SLC29A4: variants seen among roughly 807,000 people sequenced by gnomAD.
SLC29A4 encodes solute carrier family 29 member 4.
Under a neutral mutation model 43.9 loss-of-function variants are expected in SLC29A4, and 36 were observed. The ratio of observed to expected loss-of-function variants is 0.82; its 90% CI spans 0.63 to 1.08. SLC29A4 has a LOEUF of 1.08. SLC29A4 is among the 50% of genes least tolerant of loss of function. The pLI is 0.00. For synonymous variants in SLC29A4, 491 were observed against 338.0 expected (o/e 1.45, Z -4.97); for missense variants, 869 against 755.3 (o/e 1.15, Z -1.77).
chr7:5,289,377 A>G (rs1015978353), intron 2 of SLC29A4, among the ~76,000 whole-genome samples: 3 of 152,180 alleles, frequency 2.0e-5, no homozygotes, highest in African/African-American at 7.2e-5. Flanking sequence ...AGCCTGAGCA[A>G]CGGCGAGACT....
intron 1 of SLC29A4, among the ~76,000 whole-genome samples, chr7:5,283,991 C>G (rs549256229): frequency 6.7e-6 from 1 of 150,068 alleles, no homozygotes; most frequent in East Asian, 2.0e-4. Flanking sequence ...TGGGAGGAGC[C>G]GGAGGGGGTC....
At chr7:5,291,625 G>T in intron 4 of SLC29A4, 68 bp from the exon 5 acceptor site, 3 of 1,510,772 alleles carry the variant, frequency 2.0e-6, no homozygotes, top group South Asian at 2.5e-5. Flanking sequence ...TCTGCAGGAG[G>T]GGCGAGGAGG....
At chr7:5,293,064 C>T (rs1785413992) in intron 5 of SLC29A4, among the ~76,000 whole-genome samples, 1 of 151,228 alleles carries the variant, frequency 6.6e-6, no homozygotes. Flanking sequence ...TCATACCTTT[C>T]CTTTAATCCG....
intron 6 of SLC29A4, 134 bp from the exon 7 acceptor site, chr7:5,296,802 T>C: frequency 1.1e-6 from 1 of 899,174 alleles, no homozygotes; most frequent in Non-Finnish European, 1.5e-6. Flanking sequence ...GCGGGGCCTG[T>C]GGGTGGGGGC....
At chr7:5,302,374 T>C (rs1786228420) in intron 10 of SLC29A4, among the ~76,000 whole-genome samples, 1 of 152,140 alleles carries the variant, frequency 6.6e-6, no homozygotes, top group Non-Finnish European at 1.5e-5. Flanking sequence ...ACGGAGTCTC[T>C]ACAAAAAAAT....
intron 6 of SLC29A4, among the ~76,000 whole-genome samples, chr7:5,295,250 G>C (rs62441134): frequency 6.6e-6 from 1 of 152,080 alleles, no homozygotes; most frequent in Non-Finnish European, 1.5e-5. Context: ...GTCTGCGTGT[G>C]CGCGTGTGTT....
chr7:5,304,058 G>A lies in SLC29A4; in HGVS notation c.*1119G>A, dbSNP rs894178638. 6.6e-6 allele frequency: 1 copy of A among 152,398 alleles called. No individual in the cohort carries two copies. Among genetic ancestry groups the A allele is most frequent in the African/African-American group, 2.4e-5 (1 of 41,482 alleles). The allele number at this position is 152,398 out of a possible 1,614,324, so 9.4% of individuals were successfully genotyped here. On this transcript the variant is annotated 3_prime_UTR_variant, in exon 11 of 11. Transcript: ENST00000396872. ...CATTAAAAGATGAAGGCAGACCGCT[G>A]CACCGCCGCCTGCAAGCAGAGTTTG...
At chr7:5,286,223 G>A (rs138984802) in intron 1 of SLC29A4, among the ~76,000 whole-genome samples, 2 of 151,892 alleles carry the variant, frequency 1.3e-5, no homozygotes, top group African/African-American at 2.4e-5. Flanking sequence ...ATGAATACAC[G>A]TTATTAGAAA....
At position 5,292,397 on chromosome 7, in the gene SLC29A4, AG is replaced by A. The variant is rs1302219204; in HGVS notation, c.544+577del. ...CCAAAGTGCTGGTATTACAGGCATG[AG>A]CCATCGTGCCTGGCCTTTCAAACTT... On this transcript the variant is annotated intron_variant, in intron 5 of 10. Coordinates refer to ENST00000396872, the MANE Select transcript of SLC29A4 (RefSeq NM_153247.4). 2.0e-5 allele frequency among the ~76,000 whole-genome samples: 3 copies of A among 152,290 alleles called. No homozygotes were observed. The East Asian group carries it at 5.8e-4, about 29-fold the overall frequency.
chr7:5,288,046 C>G, intron 2 of SLC29A4, 61 bp downstream of exon 2: 1 of 1,527,558 alleles, frequency 6.5e-7, no homozygotes, highest in Non-Finnish European at 8.8e-7. Flanking sequence ...CTGTGTGACC[C>G]CCAGTGAAGC....
At chr7:5,290,394 A>T (rs1785229636) in intron 2 of SLC29A4, among the ~76,000 whole-genome samples, 2 of 151,914 alleles carry the variant, frequency 1.3e-5, no homozygotes, top group African/African-American at 4.8e-5. Context: ...ATGGGGTTTC[A>T]CCATGTTGGC....
At chr7:5,293,312 C>T (rs1482680998) in intron 5 of SLC29A4, among the ~76,000 whole-genome samples, 1 of 151,886 alleles carries the variant, frequency 6.6e-6, no homozygotes, top group Non-Finnish European at 1.5e-5. Flanking sequence ...GCTGGGACTG[C>T]AGGCGCCCGC....
At chr7:5,292,583 A>G (rs1273515728) in intron 5 of SLC29A4, among the ~76,000 whole-genome samples, 1 of 150,998 alleles carries the variant, frequency 6.6e-6, no homozygotes, top group Non-Finnish European at 1.5e-5. Context: ...TATAAAATAC[A>G]TATTTTCCCT....
chr7:5,285,192 C>T (rs1249737568), intron 1 of SLC29A4, among the ~76,000 whole-genome samples: 2 of 152,138 alleles, frequency 1.3e-5, no homozygotes, highest in African/African-American at 4.8e-5. Context: ...GACAGGTGTG[C>T]GGAGCCCGCC....
intron 2 of SLC29A4, among the ~76,000 whole-genome samples, chr7:5,288,763 C>G (rs186191867): frequency 6.7e-4 from 102 of 152,266 alleles, no homozygotes; most frequent in Non-Finnish European, 1.1e-3. Context: ...AGGCAAGGGC[C>G]TAAACCTCTC....
chr7:5,303,464 C>A lies in SLC29A4; in HGVS notation c.*525C>A. ...CCCTCAGGGCTTCCCCTTCTGTCCT[C>A]ATTCTTAGAGACTGCTTCTCCCAAA... On this transcript the variant is annotated 3_prime_UTR_variant, in exon 11 of 11. Coordinates refer to ENST00000396872, the MANE Select transcript of SLC29A4 (RefSeq NM_153247.4). 6.0e-6 allele frequency: 1 copy of A among 165,632 alleles called. No homozygotes were observed. Among genetic ancestry groups the A allele is most frequent in the Non-Finnish European group, 1.3e-5 (1 of 77,426 alleles). 10.3% of individuals were successfully genotyped at this position (165,632 alleles called of 1,614,324 possible).
intron 6 of SLC29A4, 145 bp from the exon 7 acceptor site, chr7:5,296,791 G>A: frequency 1.1e-6 from 1 of 921,966 alleles, no homozygotes; most frequent in African/African-American, 1.9e-5. Context: ...TGTGGTGGAG[G>A]GCGGGGCCTG....
chr7:5,298,796 T>G (rs1785903754), intron 7 of SLC29A4, among the ~76,000 whole-genome samples, 192 bp from the exon 8 acceptor site: 1 of 152,110 alleles, frequency 6.6e-6, no homozygotes, highest in Admixed American at 6.5e-5. Context: ...CAAGACCCTC[T>G]CTCTAAAACA....
chr7:5,295,010 C>T, intron 6 of SLC29A4, 76 bp downstream of exon 6: 1 of 1,268,568 alleles, frequency 7.9e-7, no homozygotes, highest in South Asian at 1.4e-5. Context: ...CAGGGACTCC[C>T]CATGATGCTC....
Sources: allele counts gnomAD v4.1 joint callset (sites outside exome capture counted in the v4.1 genomes callset), GRCh38; gene constraint gnomAD v4.1.1; transcripts MANE v1.5; gene names NCBI Gene and HGNC (gene_info 2026-07-23, HGNC 2026-07-21).